TSHZ2: variants seen among roughly 807,000 people sequenced by gnomAD.
TSHZ2 encodes the protein teashirt homolog 2.
TSHZ2 carries 21 observed loss-of-function variants against 74.4 expected under a neutral mutation model. The ratio of observed to expected loss-of-function variants is 0.28; its 90% CI spans 0.20 to 0.41. The LOEUF (loss-of-function observed/expected upper bound fraction) is 0.41, where lower values mean the gene tolerates loss of function less well. TSHZ2 is among the 10% of genes least tolerant of loss of function. The pLI, the probability that TSHZ2 is intolerant of heterozygous loss-of-function variation, is 1.00. For synonymous variants in TSHZ2, 540 were observed against 515.3 expected (o/e 1.05, Z -0.65); for missense variants, 1,244 against 1,293.5 (o/e 0.96, Z 0.59).
At chr20:53,333,591 G>A (rs1979818721) in intron 2 of TSHZ2, among the ~76,000 whole-genome samples, 2 of 152,154 alleles carry the variant, frequency 1.3e-5, no homozygotes, top group South Asian at 2.1e-4. Context: ...AAGTAGCTGG[G>A]ACTATAGGCA....
intron 1 of TSHZ2, among the ~76,000 whole-genome samples, chr20:53,086,472 G>A (rs1985702866): frequency 6.6e-6 from 1 of 152,004 alleles, no homozygotes; most frequent in Admixed American, 6.5e-5. Flanking sequence ...TGAGGAGCAA[G>A]TAGTTCTTGT....
intron 2 of TSHZ2, among the ~76,000 whole-genome samples, chr20:53,385,766 G>A (rs1055047679): frequency 2.0e-5 from 3 of 152,140 alleles, no homozygotes; most frequent in Non-Finnish European, 2.9e-5. Context: ...AGGGACCAGG[G>A]ATAACAACGA....
intron 2 of TSHZ2, among the ~76,000 whole-genome samples, chr20:53,463,435 G>GAAGGAAGGAAGA (rs11283137): frequency 0.08 from 9,081 of 114,178 alleles, 1,148 homozygotes; most frequent in Middle Eastern, 0.097. Flanking sequence ...AGGAAGGAAG[G>GAAGGAAGGAAGA]AGGGAGGGAG....
intron 1 of TSHZ2, among the ~76,000 whole-genome samples, chr20:53,121,246 C>T (rs557252627): frequency 6.6e-6 from 1 of 152,182 alleles, no homozygotes; most frequent in African/African-American, 2.4e-5. Flanking sequence ...ATAGCTTCTG[C>T]CTCAAATTGT....
chr20:53,259,737 T>C (rs1436247472), intron 2 of TSHZ2, among the ~76,000 whole-genome samples: 1 of 152,212 alleles, frequency 6.6e-6, no homozygotes, highest in Non-Finnish European at 1.5e-5. Flanking sequence ...CAGTTAAATG[T>C]GTATTTCAGA....
intron 1 of TSHZ2, among the ~76,000 whole-genome samples, chr20:53,081,767 C>T (rs1985542863): frequency 6.6e-6 from 1 of 152,150 alleles, no homozygotes; most frequent in African/African-American, 2.4e-5. Flanking sequence ...CTTTGTTCTC[C>T]CAAACCCATT....
intron 2 of TSHZ2, among the ~76,000 whole-genome samples, chr20:53,465,673 A>G (rs539262789): frequency 5.3e-5 from 8 of 152,290 alleles, no homozygotes; most frequent in Admixed American, 5.2e-4. Context: ...TGGTCCTGGT[A>G]CTTAGATCTC....
intron 1 of TSHZ2, among the ~76,000 whole-genome samples, chr20:53,023,074 G>A (rs528940550): frequency 3.3e-5 from 5 of 152,212 alleles, no homozygotes; most frequent in South Asian, 4.1e-4. Context: ...TATCACCTGG[G>A]AATGTTTTTC....
chr20:53,064,191 G>T (rs933209206), intron 1 of TSHZ2, among the ~76,000 whole-genome samples: 1 of 152,084 alleles, frequency 6.6e-6, no homozygotes, highest in Non-Finnish European at 1.5e-5. Flanking sequence ...GATGGGATCC[G>T]AATGGGGAAA....
chr20:53,250,484 G>T (rs1990300157), intron 1 of TSHZ2, among the ~76,000 whole-genome samples: 1 of 151,884 alleles, frequency 6.6e-6, no homozygotes. Context: ...ATTGAAAGGT[G>T]TTTTTTTAAA....
At chr20:53,228,103 AACACACACAC>A (rs10561638) in intron 1 of TSHZ2, among the ~76,000 whole-genome samples, 35 of 134,532 alleles carry the variant, frequency 2.6e-4, no homozygotes, top group South Asian at 1.0e-3. Flanking sequence ...TGGCCCCCAA[AACACACACAC>A]ACACACACAC....
At chr20:53,285,191 TA>T (rs1178979802) in intron 2 of TSHZ2, among the ~76,000 whole-genome samples, 2 of 152,092 alleles carry the variant, frequency 1.3e-5, no homozygotes, top group Admixed American at 1.3e-4. Flanking sequence ...ATTAAAAAGT[TA>T]AATGTCCTTT....
chr20:53,442,447 GC>G (rs1366714648), intron 2 of TSHZ2, among the ~76,000 whole-genome samples: 1 of 152,134 alleles, frequency 6.6e-6, no homozygotes, highest in Non-Finnish European at 1.5e-5. Flanking sequence ...CGACTGCTGA[GC>G]GGGGGCTTAG....
chr20:53,010,591 CAAAAT>C (rs1982815598), intron 1 of TSHZ2, among the ~76,000 whole-genome samples: 1 of 151,838 alleles, frequency 6.6e-6, no homozygotes, highest in African/African-American at 2.4e-5. Flanking sequence ...CAAAACAAAA[CAAAAT>C]AAAATGCTGA....
intron 1 of TSHZ2, among the ~76,000 whole-genome samples, chr20:53,048,228 T>C (rs567871763): frequency 6.6e-6 from 1 of 152,336 alleles, no homozygotes; most frequent in Admixed American, 6.5e-5. Flanking sequence ...TTCTGACTTC[T>C]GGCCTTTCCC....
chr20:53,185,747 C>T, intron 1 of TSHZ2: 1 of 1,527,792 alleles, frequency 6.5e-7, no homozygotes, highest in Non-Finnish European at 8.8e-7. Context: ...AATGGATGTT[C>T]AGTTGCCCTT....
At chr20:53,320,518 A>C (rs1029595112) in intron 2 of TSHZ2, among the ~76,000 whole-genome samples, 4 of 152,188 alleles carry the variant, frequency 2.6e-5, no homozygotes, top group Non-Finnish European at 5.9e-5. Context: ...TTTGTCATTA[A>C]AAAGGGAGCA....
chr20:53,261,487 T>G (rs1194937941), intron 2 of TSHZ2, among the ~76,000 whole-genome samples: 2 of 152,196 alleles, frequency 1.3e-5, no homozygotes, highest in Non-Finnish European at 2.9e-5. Flanking sequence ...GGAAAGGAAA[T>G]GAGAACTGAG....
At chr20:53,048,644 G>C (rs565299595) in intron 1 of TSHZ2, among the ~76,000 whole-genome samples, 2 of 152,344 alleles carry the variant, frequency 1.3e-5, no homozygotes, top group African/African-American at 2.4e-5. Flanking sequence ...TCTCCATAGA[G>C]AGCCCCACCA....
Sources: allele counts gnomAD v4.1 joint callset (sites outside exome capture counted in the v4.1 genomes callset), GRCh38; gene constraint gnomAD v4.1.1; transcripts MANE v1.5; gene names NCBI Gene and HGNC (gene_info 2026-07-23, HGNC 2026-07-21).